The following LRRTM4 variants were observed in gnomAD, a reference collection of about 807,000 sequenced individuals.
The protein encoded by LRRTM4 is leucine rich repeat transmembrane neuronal 4.
LRRTM4 carries 25 observed loss-of-function variants against 47.6 expected under a neutral mutation model. The observed-to-expected ratio is 0.53, with a 90% CI of 0.38 to 0.73. The LOEUF is 0.73. Ranked by LOEUF, LRRTM4 falls within the 30% of genes least tolerant of loss-of-function variation. LRRTM4 has a pLI of 0.00. For synonymous variants in LRRTM4, 311 were observed against 269.5 expected (o/e 1.15, Z -1.51); for missense variants, 638 against 713.4 (o/e 0.89, Z 1.20).
intron 3 of LRRTM4, among the ~76,000 whole-genome samples, chr2:76,930,516 G>A (rs915028743): frequency 6.6e-6 from 1 of 152,164 alleles, no homozygotes; most frequent in Non-Finnish European, 1.5e-5. Flanking sequence ...TGCCACAGCA[G>A]AAGTGTGCTG....
chr2:77,275,137 A>T (rs559127203), intron 3 of LRRTM4, among the ~76,000 whole-genome samples: 2 of 152,180 alleles, frequency 1.3e-5, no homozygotes, highest in Non-Finnish European at 2.9e-5. Flanking sequence ...TGACATATGT[A>T]AAGTACTACT....
At chr2:77,137,579 T>A (rs1671983710) in intron 3 of LRRTM4, among the ~76,000 whole-genome samples, 1 of 152,074 alleles carries the variant, frequency 6.6e-6, no homozygotes, top group African/African-American at 2.4e-5. Context: ...ACAAGCAAAA[T>A]AACCAGCTAA....
chr2:76,997,864 T>A (rs1348852667), intron 3 of LRRTM4, among the ~76,000 whole-genome samples: 1 of 151,924 alleles, frequency 6.6e-6, no homozygotes, highest in Non-Finnish European at 1.5e-5. Flanking sequence ...AGTGGCATCA[T>A]GAGATTCTCA....
At chr2:76,757,851 A>G (rs1673109242) in intron 3 of LRRTM4, among the ~76,000 whole-genome samples, 2 of 152,196 alleles carry the variant, frequency 1.3e-5, no homozygotes, top group Admixed American at 6.5e-5. Flanking sequence ...AAACCATGCA[A>G]AAGTAAACAA....
intron 3 of LRRTM4, among the ~76,000 whole-genome samples, chr2:77,133,929 A>G (rs1173885408): frequency 2.0e-5 from 3 of 152,180 alleles, no homozygotes; most frequent in Admixed American, 1.3e-4. Context: ...TCATTATTCG[A>G]AAAAATAATA....
Position 77,522,148 on chromosome 2 carries a change from T to C in LRRTM4, c.-187A>G. The C allele has an allele frequency of 1.4e-6, 1 of 715,782 alleles. No homozygotes were observed. The highest frequency in any genetic ancestry group is 1.5e-5 in the South Asian group (1 of 67,550). 44.3% of individuals were successfully genotyped at this position (715,782 alleles called of 1,614,324 possible). A position where few individuals can be genotyped will look rare whatever the true frequency, so the allele number is the denominator to read the frequency against. On this transcript the variant is annotated 5_prime_UTR_variant, in exon 1 of 4. Transcript: ENST00000409884. ...TGTGCTGGCTTTTGCCATTCCCAGA[T>C]AAAGCAATTCATCCTCTGGATTTTC...
chr2:77,495,547 A>T (rs755370411), intron 3 of LRRTM4, among the ~76,000 whole-genome samples: 3 of 152,002 alleles, frequency 2.0e-5, no homozygotes. Context: ...TAGGTCTATG[A>T]TCCATGAAAT....
At chr2:77,250,201 G>A (rs1451390671) in intron 3 of LRRTM4, among the ~76,000 whole-genome samples, 2 of 152,146 alleles carry the variant, frequency 1.3e-5, no homozygotes, top group Non-Finnish European at 2.9e-5. Flanking sequence ...CACAGAAGAT[G>A]TGTAGGGCAG....
intron 3 of LRRTM4, among the ~76,000 whole-genome samples, chr2:76,781,830 C>G (rs1444904019): frequency 6.6e-6 from 1 of 152,052 alleles, no homozygotes; most frequent in Non-Finnish European, 1.5e-5. Context: ...ACTTTTTTAT[C>G]TGCATTAAAA....
chr2:77,516,530 T>C (rs1679212754), intron 3 of LRRTM4: 1 of 818,882 alleles, frequency 1.2e-6, no homozygotes, highest in Non-Finnish European at 1.5e-6. Flanking sequence ...TCTTTTCTTT[T>C]TATATACCAG....
At chr2:76,951,416 A>T (rs1004634541) in intron 3 of LRRTM4, among the ~76,000 whole-genome samples, 3 of 152,026 alleles carry the variant, frequency 2.0e-5, no homozygotes, top group African/African-American at 7.2e-5. Context: ...GTTAACCTAG[A>T]GTTTCAACTC....
chr2:77,445,725 T>G (rs761078840), intron 3 of LRRTM4, among the ~76,000 whole-genome samples: 1 of 152,084 alleles, frequency 6.6e-6, no homozygotes, highest in Non-Finnish European at 1.5e-5. Flanking sequence ...TTTATACAAA[T>G]GTTTTCACAA....
chr2:77,031,008 ATCTTTT>A (rs1209071388), intron 3 of LRRTM4, among the ~76,000 whole-genome samples: 3 of 152,184 alleles, frequency 2.0e-5, no homozygotes, highest in Admixed American at 1.3e-4. Flanking sequence ...AGTGGGATTT[ATCTTTT>A]TCTTTGTGAA....
chr2:76,991,631 G>T (rs1166253491), intron 3 of LRRTM4, among the ~76,000 whole-genome samples: 3 of 151,554 alleles, frequency 2.0e-5, no homozygotes, highest in Non-Finnish European at 4.4e-5. Flanking sequence ...TTCTGAAATT[G>T]CATCAATCAT....
chr2:77,390,110 C>T (rs923245018), intron 3 of LRRTM4, among the ~76,000 whole-genome samples: 1 of 152,066 alleles, frequency 6.6e-6, no homozygotes, highest in African/African-American at 2.4e-5. Context: ...AATGCTTAGT[C>T]TTAAACATCT....
chr2:76,798,896 A>C (rs561441408), intron 3 of LRRTM4, among the ~76,000 whole-genome samples: 36 of 152,152 alleles, frequency 2.4e-4, no homozygotes, highest in Non-Finnish European at 2.5e-4. Flanking sequence ...CCAAGACTAA[A>C]CCAGGAAGAA....
At chr2:76,885,142 A>T (rs1445190291) in intron 3 of LRRTM4, among the ~76,000 whole-genome samples, 1 of 151,956 alleles carries the variant, frequency 6.6e-6, no homozygotes, top group Non-Finnish European at 1.5e-5. Flanking sequence ...CCTCTCATAT[A>T]GTATTTTTAC....
intron 3 of LRRTM4, among the ~76,000 whole-genome samples, chr2:76,882,983 C>G (rs1672973697): frequency 6.6e-6 from 1 of 152,238 alleles, no homozygotes; most frequent in South Asian, 2.1e-4. Flanking sequence ...ATCTGTGCTG[C>G]TACCAGACCA....
At chr2:76,898,553 C>CAAAAAA (rs56345618) in intron 3 of LRRTM4, among the ~76,000 whole-genome samples, 3 of 63,526 alleles carry the variant, frequency 4.7e-5, no homozygotes, top group Middle Eastern at 0.012. Flanking sequence ...AGCTCCGTCT[C>CAAAAAA]AAAAAAAAAA....
Sources: allele counts gnomAD v4.1 joint callset (sites outside exome capture counted in the v4.1 genomes callset), GRCh38; gene constraint gnomAD v4.1.1; transcripts MANE v1.5; gene names NCBI Gene and HGNC (gene_info 2026-07-23, HGNC 2026-07-21).